The following GPC3 variants were observed in gnomAD, a reference collection of about 807,000 sequenced individuals.
The protein encoded by GPC3 is glypican 3.
GPC3 carries 3 observed loss-of-function variants against 34.4 expected under a neutral mutation model. The ratio of observed to expected loss-of-function variants is 0.09; its 90% CI spans 0.04 to 0.23. The LOEUF is 0.23. Ranked by LOEUF, GPC3 falls within the 10% of genes least tolerant of loss-of-function variation. The pLI is 1.00. For synonymous variants in GPC3, 177 were observed against 174.0 expected (o/e 1.02, Z -0.13); for missense variants, 351 against 445.6 (o/e 0.79, Z 1.91).
chrX:133,671,335 C>A, intron 5 of GPC3: 1 of 679,859 alleles, frequency 1.5e-6, no homozygotes, highest in Non-Finnish European at 2.4e-6. Context: ...TAAAGAAAGT[C>A]AGGGGGACCG....
chrX:133,867,500 G>A (rs2075973468), intron 2 of GPC3, among the ~76,000 whole-genome samples: 1 of 110,004 alleles, frequency 9.1e-6, no homozygotes, highest in Non-Finnish European at 1.9e-5. Context: ...GCAGTCTTTG[G>A]CATCTATTCA....
At chrX:133,543,679 G>A (rs1428456869) in intron 7 of GPC3, among the ~76,000 whole-genome samples, 6 of 112,512 alleles carry the variant, frequency 5.3e-5, no homozygotes, top group Non-Finnish European at 1.1e-4. Context: ...TGGAGTATGT[G>A]TATCTTCAGA....
chrX:133,663,283 C>A (rs1603216356), intron 5 of GPC3, among the ~76,000 whole-genome samples: 1 of 111,730 alleles, frequency 9.0e-6, no homozygotes, highest in South Asian at 3.8e-4. Context: ...ACAAAAAATA[C>A]AAAAAATTAG....
intron 6 of GPC3, among the ~76,000 whole-genome samples, chrX:133,635,831 TA>T (rs59085251): frequency 0.37 from 34,383 of 92,888 alleles, 8,438 homozygotes; most frequent in African/African-American, 0.84. Context: ...TGTGTGTACA[TA>T]AAAAAAAAAA....
At chrX:133,723,210 G>C (rs2071384864) in intron 3 of GPC3, among the ~76,000 whole-genome samples, 1 of 111,163 alleles carries the variant, frequency 9.0e-6, no homozygotes, top group Admixed American at 9.6e-5. Context: ...CCTTCCATAT[G>C]TCTAGACTCA....
chrX:133,847,467 G>A (rs1476782708), intron 2 of GPC3, among the ~76,000 whole-genome samples: 2 of 112,114 alleles, frequency 1.8e-5, no homozygotes, highest in African/African-American at 6.5e-5. Flanking sequence ...GCAGACATCC[G>A]ACTGCCTATA....
chrX:133,594,899 A>T (rs1353985442), intron 7 of GPC3, among the ~76,000 whole-genome samples: 1 of 110,373 alleles, frequency 9.1e-6, no homozygotes, highest in East Asian at 2.8e-4. Context: ...AATAAATCAT[A>T]AAAAAAAGTT....
intron 2 of GPC3, among the ~76,000 whole-genome samples, chrX:133,761,573 T>C (rs2071791226): frequency 8.9e-6 from 1 of 112,092 alleles, no homozygotes; most frequent in Admixed American, 9.5e-5. Flanking sequence ...CAGGCTATTA[T>C]ATATATCATT....
chrX:133,888,232 GTCCCTGCAAAGGACAT>G (rs2076070522), intron 2 of GPC3, among the ~76,000 whole-genome samples: 1 of 111,042 alleles, frequency 9.0e-6, no homozygotes, highest in Non-Finnish European at 1.9e-5. Flanking sequence ...CTTCATCCAT[GTCCCTGCAAAGGACAT>G]GAACTCATCC....
In GPC3 at chrX:133,892,332, C is replaced by T. The variant is rs766372531; in HGVS notation, c.337+60718G>A. ...CTTGGTGACCTCTTCGTTTCAAATG[C>T]TGTAATGAGCTCAGTTTTGCTCCTT... On this transcript the variant is annotated intron_variant, in intron 2 of 7. Coordinates refer to ENST00000370818, the MANE Select transcript of GPC3 (RefSeq NM_004484.4). Among the ~76,000 whole-genome samples the T allele has an allele frequency of 2.7e-5, 3 of 111,728 alleles. No homozygotes were observed. In the South Asian group the frequency reaches 1.1e-3, roughly 42 times the overall value.
At chrX:133,756,978 G>A (rs1448630791) in intron 2 of GPC3, among the ~76,000 whole-genome samples, 1 of 112,366 alleles carries the variant, frequency 8.9e-6, no homozygotes, top group African/African-American at 3.2e-5. Flanking sequence ...TGAAATCAAG[G>A]GCTAGAATTA....
At chrX:133,801,579 C>T (rs989370164) in intron 2 of GPC3, among the ~76,000 whole-genome samples, 1 of 112,135 alleles carries the variant, frequency 8.9e-6, no homozygotes, top group Admixed American at 9.5e-5. Context: ...AAACTGTTAA[C>T]CAAACTGCCA....
chrX:133,819,570 A>G (rs894355288), intron 2 of GPC3, among the ~76,000 whole-genome samples: 2 of 111,162 alleles, frequency 1.8e-5, no homozygotes, highest in Non-Finnish European at 3.8e-5. Context: ...AGTACTAAGC[A>G]TCTATATTTC....
chrX:133,734,555 A>T (rs1423180429), intron 3 of GPC3, among the ~76,000 whole-genome samples: 2 of 109,981 alleles, frequency 1.8e-5, no homozygotes, highest in African/African-American at 6.6e-5. Context: ...TGAGGAAAGG[A>T]AAAGGAAAGA....
intron 1 of GPC3, among the ~76,000 whole-genome samples, chrX:133,956,261 C>G (rs2124636712): frequency 8.9e-6 from 1 of 112,272 alleles, no homozygotes; most frequent in South Asian, 3.7e-4. Context: ...CATATACAAG[C>G]CTTAGACTGA....
At chrX:133,570,625 C>G (rs1184167089) in intron 7 of GPC3, among the ~76,000 whole-genome samples, 1 of 112,350 alleles carries the variant, frequency 8.9e-6, no homozygotes, top group Non-Finnish European at 1.9e-5. Flanking sequence ...AACCTCCCAG[C>G]AGAATTAGAC....
At position 133,676,452 on chromosome X, in the gene GPC3, G is replaced by A. The variant is rs747932828; in HGVS notation, c.1293-14602C>T. On this transcript the variant is annotated intron_variant, in intron 5 of 7. Transcript: ENST00000370818. ...ACAGCTCTGCACTCGACAGGCCCAA[G>A]CCTTACCCTGCCACTCTCAAGTTGC... 8.9e-5 allele frequency among the ~76,000 whole-genome samples: 10 copies of A among 112,269 alleles called. No homozygotes were observed. In the South Asian group the frequency reaches 3.7e-3, roughly 42 times the overall value.
intron 6 of GPC3, among the ~76,000 whole-genome samples, chrX:133,606,118 GAAAC>G (rs943101161): frequency 4.5e-5 from 5 of 112,230 alleles, no homozygotes; most frequent in African/African-American, 1.3e-4. Flanking sequence ...AAATGGACAG[GAAAC>G]AAACAAACAA....
At chrX:133,557,809 T>C (rs895820060) in intron 7 of GPC3, among the ~76,000 whole-genome samples, 8 of 111,404 alleles carry the variant, frequency 7.2e-5, no homozygotes, top group Non-Finnish European at 1.5e-4. Flanking sequence ...AGTAAATTCA[T>C]TGCTCAGCCT....
Sources: gnomAD v4.1 joint callset for allele counts (sites outside exome capture counted in the v4.1 genomes callset) on GRCh38, gnomAD v4.1.1 for gene constraint, MANE v1.5 for transcripts, NCBI Gene and HGNC (gene_info 2026-07-23, HGNC 2026-07-21) for gene names.